The following SSR2 variants were observed in gnomAD, a reference collection of about 807,000 sequenced individuals.
The protein encoded by SSR2 is translocon-associated protein subunit beta.
SSR2 carries 16 observed loss-of-function variants against 22.6 expected under a neutral mutation model. The observed-to-expected ratio is 0.71, with a 90% CI of 0.48 to 1.08. The LOEUF (loss-of-function observed/expected upper bound fraction) is 1.08. Among genes scored for constraint, SSR2 ranks in the 50% least tolerant of loss-of-function variants. The pLI is 0.00. For missense variants in SSR2, 171 were observed against 221.6 expected, an observed-to-expected ratio of 0.77 and a Z score of 1.45; for synonymous variants, 83 against 91.2, an observed-to-expected ratio of 0.91 and a Z score of 0.51.
At chr1:156,009,694 G>T in intron 5 of SSR2, 44 bp from the exon 6 acceptor site, 1 of 1,394,466 alleles carries the variant, frequency 7.2e-7, no homozygotes, top group Non-Finnish European at 9.9e-7. Context: ...CTGGATTAGG[G>T]CACAGGAGAA....
intron 4 of SSR2, chr1:156,012,411 T>C: frequency 5.1e-6 from 2 of 391,956 alleles, no homozygotes; most frequent in South Asian, 3.6e-5. Context: ...AGAGGAGGGG[T>C]TGAGTCTGGT....
In SSR2 at chr1:156,009,709, G is replaced by A. The variant is rs547477289; in HGVS notation, c.442-59C>T. 26 of 1,140,868 alleles carry A rather than the reference G, an allele frequency of 2.3e-5. No homozygotes were observed. The African/African-American group carries it at 4.1e-4, about 18-fold the overall frequency. The allele number at this position is 1,140,868 out of a possible 1,614,324, so 70.7% of individuals were successfully genotyped here. On this transcript the variant is annotated intron_variant, in intron 5 of 5. Transcript: ENST00000295702. ...CTGGATTAGGGCACAGGAGAAGCCA[G>A]GGAAAATATGAGTCCAATGAGAAAG...
intron 4 of SSR2, 75 bp downstream of exon 4, chr1:156,014,886 T>C: frequency 6.5e-6 from 8 of 1,234,066 alleles, no homozygotes; most frequent in Non-Finnish European, 9.4e-6. Flanking sequence ...TTCATCCCCC[T>C]CTTACCCCCA....
intron 5 of SSR2, 147 bp from the exon 6 acceptor site, chr1:156,009,797 GGAGTCTCGCCC>G: frequency 5.3e-6 from 3 of 570,150 alleles, no homozygotes; most frequent in Non-Finnish European, 6.0e-6. Context: ...TTTTTGAGAC[GGAGTCTCGCCC>G]TGTCACCTAG....
chr1:156,016,223 C>G (rs1254685716), intron 3 of SSR2, among the ~76,000 whole-genome samples: 1 of 152,044 alleles, frequency 6.6e-6, no homozygotes, highest in Non-Finnish European at 1.5e-5. Context: ...GTCACTTAAG[C>G]TCACAGAAAA....
rs1050204435 is a variant in SSR2, at chr1:156,015,175, G to A, written c.255-106C>T. The A allele has an allele frequency of 3.7e-6, 3 of 809,770 alleles. No individual in the cohort carries two copies. The East Asian group carries it at 8.1e-5, about 22-fold the overall frequency. The allele number at this position is 809,770 out of a possible 1,614,324, so 50.2% of individuals were successfully genotyped here. A position where few individuals can be genotyped will look rare whatever the true frequency, so the allele number is the denominator to read the frequency against. ...TACAAAACATTTGCCAATACATGCT[G>A]ATCTCATGCCGGCAATATTCTGCAG... On this transcript the variant is annotated intron_variant, in intron 3 of 5. Coordinates refer to ENST00000295702, the MANE Select transcript of SSR2 (RefSeq NM_003145.4).
In SSR2 at chr1:156,009,214, G is replaced by T. The variant is rs549162185; in HGVS notation, c.*326C>A. On this transcript the variant is annotated 3_prime_UTR_variant, in exon 6 of 6. Coordinates refer to ENST00000295702, the MANE Select transcript of SSR2 (RefSeq NM_003145.4). ...GGTGGTGTCAGGCAGTCTCCAAAAT[G>T]CCCCTCCTAGACCCCTGAGAGAATT... The T allele has an allele frequency of 1.6e-4, 39 of 248,784 alleles. No individual in the cohort carries two copies. The highest frequency in any genetic ancestry group is 2.8e-4 in the Non-Finnish European group (36 of 129,686). 15.4% of individuals were successfully genotyped at this position (248,784 alleles called of 1,614,324 possible).
chr1:156,015,725 G>A (rs1348538445), intron 3 of SSR2, among the ~76,000 whole-genome samples: 1 of 150,520 alleles, frequency 6.6e-6, no homozygotes, highest in African/African-American at 2.4e-5. Flanking sequence ...ACCATATGGG[G>A]CCTAGGCATC....
rs1415208504 is a variant in SSR2, at chr1:156,020,926, A to G, written c.-39T>C. On this transcript the variant is annotated 5_prime_UTR_variant, in exon 1 of 6. Coordinates refer to ENST00000295702, the MANE Select transcript of SSR2 (RefSeq NM_003145.4). ...AACGCCTTTCCGGAGCCACAAAGACAGGAAGAGAGCGTCAGCATCCGAAAG... is the reference window on the plus strand; with the variant it reads ...AACGCCTTTCCGGAGCCACAAAGACGGGAAGAGAGCGTCAGCATCCGAAAG... 8.5e-6 allele frequency: 4 copies of G among 471,236 alleles called. No homozygotes were observed. The highest frequency in any genetic ancestry group is 6.2e-5 in the South Asian group (4 of 64,558). 29.2% of individuals were successfully genotyped at this position (471,236 alleles called of 1,614,324 possible).
At chr1:156,020,546 C>A in intron 1 of SSR2, 1 of 306,134 alleles carries the variant, frequency 3.3e-6, no homozygotes, top group Non-Finnish European at 6.5e-6. Flanking sequence ...GGAGTGCCCA[C>A]AGCCTTCCCG....
Position 156,009,408 on chromosome 1 carries a change from C to T in SSR2, c.*132G>A. On this transcript the variant is annotated 3_prime_UTR_variant, in exon 6 of 6. Coordinates refer to ENST00000295702, the MANE Select transcript of SSR2 (RefSeq NM_003145.4). ...ACTATGGCTGAGAGCAGGGCAGGAT[C>T]CAGGAGAAAGTGGCCAAGGGCTAAG... 1 of 732,798 alleles carries T rather than the reference C, an allele frequency of 1.4e-6. No homozygotes were observed. The highest frequency in any genetic ancestry group is 2.4e-6 in the Non-Finnish European group (1 of 418,624). 45.4% of individuals were successfully genotyped at this position (732,798 alleles called of 1,614,324 possible). A position where few individuals can be genotyped will look rare whatever the true frequency, so the allele number is the denominator to read the frequency against.
rs763069229 is a variant in SSR2, at chr1:156,009,580, C to T, written c.512G>A (p.Ser171Asn). ...TTTGGGAGTGTCATATTTCCTCTTG[C>T]TGGAGTACCACAATAGCAGGGGGAT... ...IGIPLLLWYS[S>N]KRKYDTPKTK... The change falls in exon 6 of 6, where the codon AGC becomes AAC. Residue 171 changes from serine to asparagine, a missense_variant. Transcript: ENST00000295702. 1 of 1,613,408 alleles carries T rather than the reference C, an allele frequency of 6.2e-7. No individual in the cohort carries two copies. Among genetic ancestry groups the T allele is most frequent in the East Asian group, 2.2e-5 (1 of 44,854 alleles).
At chr1:156,020,601 C>A (rs936254151) in intron 1 of SSR2, 1 of 315,286 alleles carries the variant, frequency 3.2e-6, no homozygotes, top group African/African-American at 2.2e-5. Flanking sequence ...GATCCCACCG[C>A]GGACTCGCGG....
rs1434995159 is a variant in SSR2, at chr1:156,020,943, A to C, written c.-56T>G. On this transcript the variant is annotated 5_prime_UTR_variant, in exon 1 of 6. The change abolishes an upstream ATG in the 5' untranslated region. Coordinates refer to ENST00000295702, the MANE Select transcript of SSR2 (RefSeq NM_003145.4). ...ACAAAGACAGGAAGAGAGCGTCAGC[A>C]TCCGAAAGACCGGAAATAAGCACTG... 4.2e-6 allele frequency: 2 copies of C among 471,222 alleles called. No homozygotes were observed. The highest frequency in any genetic ancestry group is 8.8e-6 in the Non-Finnish European group (2 of 227,054). 29.2% of individuals were successfully genotyped at this position (471,222 alleles called of 1,614,324 possible). A position where few individuals can be genotyped will look rare whatever the true frequency, so the allele number is the denominator to read the frequency against.
In SSR2 at chr1:156,018,232, GC is replaced by G. The variant is rs756811900; in HGVS notation, c.254+37del. On this transcript the variant is annotated intron_variant, in intron 3 of 5. Coordinates refer to ENST00000295702, the MANE Select transcript of SSR2 (RefSeq NM_003145.4). ...CTGCTTTGCAGGCAAGGCTCTCCCTGCCCCCCGACCCTTCATCACCAAGTGC... is the reference window on the plus strand; with the variant it reads ...CTGCTTTGCAGGCAAGGCTCTCCCTGCCCCCGACCCTTCATCACCAAGTGC... 41 of 1,538,360 alleles carry G rather than the reference GC, an allele frequency of 2.7e-5. No individual in the cohort carries two copies. The African/African-American group carries it at 4.2e-4, about 16-fold the overall frequency.
At chr1:156,015,123 T>C (rs902342199) in intron 3 of SSR2, 54 bp from the exon 4 acceptor site, 2 of 1,410,570 alleles carry the variant, frequency 1.4e-6, no homozygotes, top group Admixed American at 3.6e-5. Flanking sequence ...GTAGCAGCCT[T>C]TCAACCTGTG....
In SSR2 at chr1:156,020,140, C is replaced by T. The variant is rs1365384448; in HGVS notation, c.28G>A (p.Ala10Thr). 1.9e-6 allele frequency: 3 copies of T among 1,614,032 alleles called. No homozygotes were observed. The South Asian group carries it at 3.3e-5, about 18-fold the overall frequency. The part of the protein sequence containing the change: MRLLSFVVL[A>T]LFAVTQAEEG... ...TCTGCTTGAGTGACAGCAAATAGAG[C>T]CAACACCACAAATGACAGCAGCCTC... is the stretch of plus-strand genomic sequence containing the variant. Residue 10 changes from alanine (A) to threonine (T), a missense_variant, in exon 2 of 6, where the codon GCT becomes ACT. Physicochemically the swap from Ala to Thr is moderately conservative, Grantham distance 58. Transcript: ENST00000295702.
chr1:156,009,531 A>G lies in SSR2; in HGVS notation c.*9T>C, dbSNP rs1682950523. Reference sequence around the variant, plus strand: ...ATTTCTTGGGAGAGGAGGGCTGTGGAAGCCCCAATCAGTTCTTCTTCGTTT... The same window carrying G: ...ATTTCTTGGGAGAGGAGGGCTGTGGGAGCCCCAATCAGTTCTTCTTCGTTT... On this transcript the variant is annotated 3_prime_UTR_variant, in exon 6 of 6. Coordinates refer to ENST00000295702, the MANE Select transcript of SSR2 (RefSeq NM_003145.4). 1 of 1,601,458 alleles carries G rather than the reference A, an allele frequency of 6.2e-7. No homozygotes were observed. Among genetic ancestry groups the G allele is most frequent in the African/African-American group, 1.3e-5 (1 of 74,774 alleles).
intron 3 of SSR2, among the ~76,000 whole-genome samples, chr1:156,015,824 C>A (rs1045060437): frequency 6.6e-6 from 1 of 151,714 alleles, no homozygotes; most frequent in Non-Finnish European, 1.5e-5. Context: ...TTGAAGTAAA[C>A]TTCCAAAGCA....
Sources: allele counts gnomAD v4.1 joint callset (sites outside exome capture counted in the v4.1 genomes callset), GRCh38; gene constraint gnomAD v4.1.1; transcripts MANE v1.5; gene names NCBI Gene and HGNC (gene_info 2026-07-23, HGNC 2026-07-21).